Variants in PRKG1 observed in about 807,000 individuals in gnomAD.
PRKG1 encodes cGMP-dependent protein kinase 1.
A neutral mutation model predicts 88.1 loss-of-function variants in PRKG1; 35 were observed. The observed-to-expected ratio is 0.40, with a 90% CI of 0.30 to 0.53. PRKG1 has a LOEUF of 0.53. Ranked by LOEUF, PRKG1 falls within the 20% of genes least tolerant of loss-of-function variation. PRKG1 has a pLI of 0.59. For missense variants in PRKG1, 540 were observed against 839.8 expected, an observed-to-expected ratio of 0.64 and a Z score of 4.41; for synonymous variants, 303 against 292.5, an observed-to-expected ratio of 1.04 and a Z score of -0.37.
At chr10:51,280,856 A>G (rs1180806944) in intron 2 of PRKG1, among the ~76,000 whole-genome samples, 1 of 152,072 alleles carries the variant, frequency 6.6e-6, no homozygotes, top group Non-Finnish European at 1.5e-5. Context: ...AAGCCTTCTA[A>G]TCTCACCTAG....
chr10:51,643,181 G>A (rs924036746), intron 3 of PRKG1, among the ~76,000 whole-genome samples: 5 of 152,066 alleles, frequency 3.3e-5, no homozygotes, highest in African/African-American at 1.2e-4. Context: ...TCAGTAACAG[G>A]TGTCATATTT....
chr10:51,759,912 T>C (rs1308293338), intron 3 of PRKG1, among the ~76,000 whole-genome samples: 1 of 152,140 alleles, frequency 6.6e-6, no homozygotes, highest in African/African-American at 2.4e-5. Context: ...GTTTTCAGAG[T>C]TCTAGTTTTA....
intron 4 of PRKG1, among the ~76,000 whole-genome samples, chr10:51,857,291 A>G (rs377417130): frequency 1.3e-5 from 2 of 152,238 alleles, no homozygotes; most frequent in South Asian, 2.1e-4. Flanking sequence ...CTAACATTGT[A>G]TAATAATAGT....
At chr10:51,417,917 A>G (rs1838288828) in intron 2 of PRKG1, among the ~76,000 whole-genome samples, 3 of 152,288 alleles carry the variant, frequency 2.0e-5, no homozygotes, top group Non-Finnish European at 2.9e-5. Flanking sequence ...AGGAATCCCC[A>G]CATATTCTTG....
chr10:51,323,010 T>C (rs913612100), intron 2 of PRKG1, among the ~76,000 whole-genome samples: 20 of 152,220 alleles, frequency 1.3e-4, no homozygotes, highest in African/African-American at 4.3e-4. Flanking sequence ...AACTAAATAG[T>C]AGACATTTAT....
intron 4 of PRKG1, among the ~76,000 whole-genome samples, chr10:51,810,612 T>C (rs1274339019): frequency 6.6e-6 from 1 of 152,170 alleles, no homozygotes; most frequent in Admixed American, 6.6e-5. Context: ...TCCCTTATTC[T>C]CTAAAACAAT....
intron 2 of PRKG1, among the ~76,000 whole-genome samples, chr10:51,303,626 A>T (rs946353621): frequency 2.0e-5 from 3 of 152,134 alleles, no homozygotes; most frequent in Non-Finnish European, 4.4e-5. Context: ...TAATATAAAC[A>T]GTGAAAGTAT....
intron 2 of PRKG1, among the ~76,000 whole-genome samples, chr10:51,369,042 AG>A (rs1390448935): frequency 2.0e-5 from 3 of 152,144 alleles, no homozygotes; most frequent in African/African-American, 7.2e-5. Context: ...TGATTCTAAA[AG>A]TGAGATTATA....
intron 14 of PRKG1, among the ~76,000 whole-genome samples, chr10:52,282,822 T>C (rs1296823652): frequency 6.6e-6 from 1 of 152,028 alleles, no homozygotes; most frequent in Non-Finnish European, 1.5e-5. Flanking sequence ...AGGACCCATA[T>C]TAAAAGAACA....
intron 1 of PRKG1, among the ~76,000 whole-genome samples, chr10:51,118,497 GT>G (rs1845184957): frequency 6.6e-6 from 1 of 152,042 alleles, no homozygotes; most frequent in Admixed American, 6.6e-5. Flanking sequence ...TAATAACTCT[GT>G]TTATTATCAT....
chr10:51,305,700 T>C (rs1377935715), intron 2 of PRKG1, among the ~76,000 whole-genome samples: 1 of 152,196 alleles, frequency 6.6e-6, no homozygotes, highest in Non-Finnish European at 1.5e-5. Flanking sequence ...AGGATTCCTT[T>C]TTCCTCTGCT....
intron 1 of PRKG1, among the ~76,000 whole-genome samples, chr10:51,130,133 T>C (rs1040448865): frequency 3.9e-5 from 6 of 152,194 alleles, no homozygotes; most frequent in African/African-American, 1.4e-4. Context: ...GGGCTTTAGT[T>C]ACACTACTTA....
chr10:51,739,884 G>A (rs751450156), intron 3 of PRKG1, among the ~76,000 whole-genome samples: 1 of 152,148 alleles, frequency 6.6e-6, no homozygotes, highest in Non-Finnish European at 1.5e-5. Flanking sequence ...GAGGTGGAAG[G>A]ATCACTTTAT....
intron 1 of PRKG1, among the ~76,000 whole-genome samples, chr10:51,077,439 C>T (rs142991284): frequency 3.9e-5 from 6 of 152,094 alleles, no homozygotes; most frequent in African/African-American, 9.6e-5. Flanking sequence ...GTAACTGCCC[C>T]GCTAATGTTC....
chr10:51,349,610 G>A (rs113372907), intron 2 of PRKG1, among the ~76,000 whole-genome samples: 41,148 of 151,018 alleles, frequency 0.27, 6,377 homozygotes, highest in South Asian at 0.42. Context: ...AGGATCAAGC[G>A]ATTCTCCTGC....
At chr10:51,201,227 G>A (rs148402116) in intron 2 of PRKG1, among the ~76,000 whole-genome samples, 8 of 152,232 alleles carry the variant, frequency 5.3e-5, no homozygotes, top group South Asian at 2.1e-4. Flanking sequence ...TTGGGAGGCC[G>A]AGGTGGGTGG....
chr10:51,099,707 T>G (rs1844631693), intron 1 of PRKG1, among the ~76,000 whole-genome samples: 1 of 152,192 alleles, frequency 6.6e-6, no homozygotes, highest in African/African-American at 2.4e-5. Flanking sequence ...CTCTGCTAGA[T>G]ATTGCTAATA....
In PRKG1 at chr10:51,653,837, G is replaced by C. The variant is rs576514866; in HGVS notation, c.593-150748G>C. On this transcript the variant is annotated intron_variant, in intron 3 of 17. Transcript: ENST00000373980. ...CCTGCCTTGGCATCCGAAAGTGCTAGGATTACAGGCATGAGCCACCACAGC... is the reference window on the plus strand; with the variant it reads ...CCTGCCTTGGCATCCGAAAGTGCTACGATTACAGGCATGAGCCACCACAGC... 3.3e-5 allele frequency among the ~76,000 whole-genome samples: 5 copies of C among 152,262 alleles called. No homozygotes were observed. In the South Asian group the frequency reaches 1.0e-3, roughly 32 times the overall value.
chr10:51,543,352 A>G (rs1216963463), intron 3 of PRKG1, among the ~76,000 whole-genome samples: 5 of 152,208 alleles, frequency 3.3e-5, no homozygotes, highest in Non-Finnish European at 7.4e-5. Flanking sequence ...TTGTATAAAC[A>G]CCATAGAAAT....
Sources: allele counts gnomAD v4.1 joint callset (sites outside exome capture counted in the v4.1 genomes callset), GRCh38; gene constraint gnomAD v4.1.1; transcripts MANE v1.5; gene names NCBI Gene and HGNC (gene_info 2026-07-23, HGNC 2026-07-21).